The following IDH3B variants were observed in gnomAD, a reference collection of about 807,000 sequenced individuals.
IDH3B encodes the protein isocitrate dehydrogenase (NAD(+)) 3 non-catalytic subunit beta, also known as isocitrate dehydrogenase [NAD] subunit beta, mitochondrial.
In IDH3B, 40 loss-of-function variants were observed where a neutral mutation model predicts 47.5. That is an observed-to-expected ratio of 0.84 (90% CI 0.65 to 1.10). The LOEUF (loss-of-function observed/expected upper bound fraction) is 1.10. IDH3B is among the 50% of genes least tolerant of loss of function. IDH3B has a pLI of 0.00. For missense variants in IDH3B, 450 were observed against 505.2 expected, an observed-to-expected ratio of 0.89 and a Z score of 1.05; for synonymous variants, 185 against 191.0, an observed-to-expected ratio of 0.97 and a Z score of 0.26.
intron 4 of IDH3B, among the ~76,000 whole-genome samples, chr20:2,661,661 G>A (rs908931045): frequency 5.9e-5 from 9 of 152,124 alleles, no homozygotes; most frequent in Admixed American, 5.9e-4. Flanking sequence ...TTATATGTCA[G>A]GCAATAAGGA....
In IDH3B at chr20:2,664,177, C is replaced by T. The variant is rs2087007181; in HGVS notation, c.12G>A (p.Leu4=). The change falls in exon 1 of 12, where the codon TTG becomes TTA. Residue 4 remains leucine, a synonymous_variant. Transcript: ENST00000380843. ...CTCGGGTCAGCCAGCGGACTCCGCT[C>T]AATGCCGCCATGTTTCCCGCAGGAA... MAA[L]SGVRWLTRAL... 1 of 1,613,622 alleles carries T rather than the reference C, an allele frequency of 6.2e-7. No individual in the cohort carries two copies. Among genetic ancestry groups the T allele is most frequent in the Non-Finnish European group, 8.5e-7 (1 of 1,179,858 alleles).
Position 2,658,849 on chromosome 20 carries a change from A to G in IDH3B, c.1072-12T>C. 6.2e-7 allele frequency: 1 copy of G among 1,614,072 alleles called. No homozygotes were observed. On this transcript the variant is annotated splice_polypyrimidine_tract_variant and intron_variant, in intron 11 of 11. Coordinates refer to ENST00000380843, the MANE Select transcript of IDH3B (RefSeq NM_006899.5). ...TCTCGAGTCCGCACCTACAGCCACC[A>G]CCGGCAACAGCCGTGGGGAGGGAGA... is the stretch of plus-strand genomic sequence containing the variant.
chr20:2,659,673 T>C (rs1371188996), intron 10 of IDH3B, 26 bp downstream of exon 10: 35 of 1,611,506 alleles, frequency 2.2e-5, no homozygotes, highest in Non-Finnish European at 3.0e-5. Flanking sequence ...ACACCCAACC[T>C]CTGCCGACAG....
chr20:2,658,448 G>A lies in IDH3B; in HGVS notation c.*303C>T. 4 of 1,614,142 alleles carry A rather than the reference G, an allele frequency of 2.5e-6. No homozygotes were observed. Among genetic ancestry groups the A allele is most frequent in the Non-Finnish European group, 3.4e-6 (4 of 1,179,996 alleles). Reference sequence around the variant, plus strand: ...ACATGGGTATGGACAGGGCCTATGGGTGGGGCAAGGCAGCAATGACAGCCT... The same window carrying A: ...ACATGGGTATGGACAGGGCCTATGGATGGGGCAAGGCAGCAATGACAGCCT... On this transcript the variant is annotated 3_prime_UTR_variant, in exon 12 of 12. Transcript: ENST00000380843.
chr20:2,663,775 G>A lies in IDH3B; in HGVS notation c.118-17C>T, dbSNP rs1292291671. 1.2e-6 allele frequency: 2 copies of A among 1,612,854 alleles called. No homozygotes were observed. The highest frequency in any genetic ancestry group is 2.2e-5 in the South Asian group (2 of 91,068). ...GTCCTCGGCCTCAATTGGGGGAAGAGGGGAGAAGTAAAGATAGAGCTGGGG... is the reference window on the plus strand; with the variant it reads ...GTCCTCGGCCTCAATTGGGGGAAGAAGGGAGAAGTAAAGATAGAGCTGGGG... On this transcript the variant is annotated splice_polypyrimidine_tract_variant and intron_variant, in intron 2 of 11. Coordinates refer to ENST00000380843, the MANE Select transcript of IDH3B (RefSeq NM_006899.5).
rs1331771471 is a variant in IDH3B, at chr20:2,663,551, C to G, written c.232G>C (p.Val78Leu). ...CTCAGGTGGTGCTCCTGGAACTCCA[C>G]TGGGACAGCGGCAGCCTTCAGAGAC... ...KEVFKAAAVP[V>L]EFQEHHLSEV... The change falls in exon 4 of 12, where the codon GTG becomes CTG. Residue 78 changes from valine (V) to leucine (L), a missense_variant. Transcript: ENST00000380843. The G allele has an allele frequency of 1.9e-6, 3 of 1,614,096 alleles. No homozygotes were observed. The African/African-American group carries it at 4.0e-5, about 22-fold the overall frequency.
At position 2,658,499 on chromosome 20, in the gene IDH3B, G is replaced by GCCACC; in HGVS notation, c.*247_*251dup. On this transcript the variant is annotated 3_prime_UTR_variant, in exon 12 of 12. Transcript: ENST00000380843. ...CAGTGAAGTCATGGCAAGTAGCATAGCCACCCATGTCAGAGGTTCGAACCT... is the reference window on the plus strand; with the variant it reads ...CAGTGAAGTCATGGCAAGTAGCATAGCCACCCCACCCATGTCAGAGGTTCGAACCT... 2 of 1,614,104 alleles carry GCCACC rather than the reference G, an allele frequency of 1.2e-6. No individual in the cohort carries two copies. The highest frequency in any genetic ancestry group is 1.7e-6 in the Non-Finnish European group (2 of 1,179,994).
At chr20:2,659,992 G>C in intron 9 of IDH3B, 38 bp downstream of exon 9, 6 of 1,613,590 alleles carry the variant, frequency 3.7e-6, no homozygotes, top group Non-Finnish European at 5.1e-6. Flanking sequence ...TGGCGGACTT[G>C]AGGTCAGAGG....
Position 2,660,715 on chromosome 20 carries a change from G to T in IDH3B, c.513C>A (p.Tyr171Ter). 6.2e-7 allele frequency: 1 copy of T among 1,614,160 alleles called. No homozygotes were observed. The highest frequency in any genetic ancestry group is 8.5e-7 in the Non-Finnish European group (1 of 1,180,038). ...VIIREQTEGE[Y>*]SSLEHESARG... ...GCCTCACCTCATGTTCCAGAGAGCTGTACTCCCCTTCTGTCTGCTCTCGAA... is the reference window on the plus strand; with the variant it reads ...GCCTCACCTCATGTTCCAGAGAGCTTTACTCCCCTTCTGTCTGCTCTCGAA... Residue 171 changes from tyrosine to a stop codon, truncating the protein, a stop_gained, in exon 6 of 12, where the codon TAC becomes TAA. Coordinates refer to ENST00000380843, the MANE Select transcript of IDH3B (RefSeq NM_006899.5). LOFTEE classifies it high-confidence loss of function. This position sits in a 1 kb window ranked among gnomAD's most constrained non-coding sequence, Gnocchi z 5.6.
At chr20:2,661,626 C>T (rs532544732) in intron 4 of IDH3B, among the ~76,000 whole-genome samples, 4 of 152,280 alleles carry the variant, frequency 2.6e-5, no homozygotes, top group African/African-American at 9.6e-5. Flanking sequence ...CATTTTTTAA[C>T]CCAACACCTA....
At chr20:2,661,973 C>T (rs1215018107) in intron 4 of IDH3B, among the ~76,000 whole-genome samples, 4 of 151,962 alleles carry the variant, frequency 2.6e-5, no homozygotes, top group Non-Finnish European at 4.4e-5. Context: ...AAAATGATAC[C>T]GAGACAGAGA....
rs1157397536 is a variant in IDH3B at position 2,660,006 on chromosome 20, G to A, written c.915+24C>T. On this transcript the variant is annotated intron_variant, in intron 9 of 11. Coordinates refer to ENST00000380843, the MANE Select transcript of IDH3B (RefSeq NM_006899.5). The surrounding 1 kb of genome is among the most constrained non-coding windows in gnomAD (Gnocchi z 5.6). ...ATGGCGGACTTGAGGTCAGAGGAAG[G>A]GCCGAGGGAGAAAGCAGCCTCACCG... is the stretch of plus-strand genomic sequence containing the variant. The A allele has an allele frequency of 1.2e-6, 2 of 1,613,956 alleles. No homozygotes were observed. Among genetic ancestry groups the A allele is most frequent in the East Asian group, 4.5e-5 (2 of 44,880 alleles).
chr20:2,659,106 T>A (rs1344928912), intron 11 of IDH3B: 7 of 1,436,170 alleles, frequency 4.9e-6, no homozygotes, highest in African/African-American at 1.4e-5. Context: ...AGGATGTGGC[T>A]ACCTTCCTTG....
At position 2,660,145 on chromosome 20, in the gene IDH3B, A is replaced by T; in HGVS notation, c.800T>A (p.Leu267His). The change falls in exon 9 of 12, where the codon CTT becomes CAT. Residue 267 changes from leucine (L) to histidine (H), a missense_variant. Coordinates refer to ENST00000380843, the MANE Select transcript of IDH3B (RefSeq NM_006899.5). The surrounding 1 kb of genome is among the most constrained non-coding windows in gnomAD (Gnocchi z 5.6). The part of the protein sequence containing the change: ...LVQNPYQFDV[L>H]VMPNLYGNII... The stretch of plus-strand genomic sequence containing the variant: ...GTTCCCATAGAGATTGGGCATCACA[A>T]GCACATCAAACTGGTAAGGATTCTG... The T allele has an allele frequency of 1.9e-6, 3 of 1,614,152 alleles. No homozygotes were observed. Among genetic ancestry groups the T allele is most frequent in the Non-Finnish European group, 2.5e-6 (3 of 1,180,014 alleles).
chr20:2,660,657 C>T lies in IDH3B; in HGVS notation c.531+40G>A, dbSNP rs762522906. ...GAAACAAGGAGCTCCACCTCTCTCC[C>T]ATCTTCATCCTTGCCCTCCCCCAGT... On this transcript the variant is annotated intron_variant, in intron 6 of 11. Transcript: ENST00000380843. The surrounding 1 kb of genome is among the most constrained non-coding windows in gnomAD (Gnocchi z 5.6). 1 of 1,614,092 alleles carries T rather than the reference C, an allele frequency of 6.2e-7. No individual in the cohort carries two copies. Among genetic ancestry groups the T allele is most frequent in the Admixed American group, 1.7e-5 (1 of 60,010 alleles).
At chr20:2,659,880 G>A (rs2086908271) in intron 9 of IDH3B, 87 bp from the exon 10 acceptor site, 1 of 1,417,828 alleles carries the variant, frequency 7.1e-7, no homozygotes, top group African/African-American at 1.4e-5. Flanking sequence ...TATGGGAGGG[G>A]GAGCTCAGGC....
In IDH3B at chr20:2,663,749, C is replaced by G; in HGVS notation, c.127G>C (p.Val43Leu). 1 of 1,614,144 alleles carries G rather than the reference C, an allele frequency of 6.2e-7. No homozygotes were observed. Among genetic ancestry groups the G allele is most frequent in the South Asian group, 1.1e-5 (1 of 91,084 alleles). ...ACGGGAAAGGAGCCCTCCACCCTCACGTCCTCGGCCTCAATTGGGGGAAGA... is the reference window on the plus strand; with the variant it reads ...ACGGGAAAGGAGCCCTCCACCCTCAGGTCCTCGGCCTCAATTGGGGGAAGA... ...HAASRSQAED[V>L]RVEGSFPVTM... Residue 43 changes from valine to leucine, a missense_variant, in exon 3 of 12, where the codon GTG (valine) becomes CTG (leucine). Physicochemically the swap from Val to Leu is conservative, Grantham distance 32. Transcript: ENST00000380843.
Position 2,658,658 on chromosome 20 carries a change from CACTGCTTAGAGGCACAAGGTCT to C in IDH3B, c.*71_*92del. 2 of 1,614,022 alleles carry C rather than the reference CACTGCTTAGAGGCACAAGGTCT, an allele frequency of 1.2e-6. No individual in the cohort carries two copies. Among genetic ancestry groups the C allele is most frequent in the Non-Finnish European group, 1.7e-6 (2 of 1,179,916 alleles). ...TCTACCCAGCAAGGTGACCATGGTCCACTGCTTAGAGGCACAAGGTCTCTTCCCTGGTACACTGCACTGAAGG... is the reference window on the plus strand; with the variant it reads ...TCTACCCAGCAAGGTGACCATGGTCCCTTCCCTGGTACACTGCACTGAAGG... On this transcript the variant is annotated 3_prime_UTR_variant, in exon 12 of 12. Coordinates refer to ENST00000380843, the MANE Select transcript of IDH3B (RefSeq NM_006899.5).
chr20:2,662,893 G>A (rs1195655915), intron 4 of IDH3B, among the ~76,000 whole-genome samples: 1 of 152,198 alleles, frequency 6.6e-6, no homozygotes, highest in Non-Finnish European at 1.5e-5. Context: ...GGAGGCAGAG[G>A]TTGCAGTGAG....
Sources: allele counts gnomAD v4.1 joint callset (sites outside exome capture counted in the v4.1 genomes callset), GRCh38; gene constraint gnomAD v4.1.1; non-coding constraint Gnocchi (gnomAD v3.1); transcripts MANE v1.5; gene names NCBI Gene and HGNC (gene_info 2026-07-23, HGNC 2026-07-21).